The following PDE1C variants were observed in gnomAD, a reference collection of about 807,000 sequenced individuals.
PDE1C encodes dual specificity calcium/calmodulin-dependent 3',5'-cyclic nucleotide phosphodiesterase 1C.
A neutral mutation model predicts 93.1 loss-of-function variants in PDE1C; 62 were observed. The ratio of observed to expected loss-of-function variants is 0.67; its 90% CI spans 0.54 to 0.82. PDE1C has a LOEUF of 0.82. Among genes scored for constraint, PDE1C ranks in the 40% least tolerant of loss-of-function variants. The probability of loss-of-function intolerance (pLI) is 0.00; values close to 1 mark genes in which losing one functional copy is unlikely to be tolerated. For missense variants in PDE1C, 742 were observed against 884.6 expected (o/e 0.84, Z 2.04); for synonymous variants, 325 against 310.1 (o/e 1.05, Z -0.50).
At chr7:32,092,996 A>G (rs929870054) in intron 3 of PDE1C, among the ~76,000 whole-genome samples, 2 of 152,258 alleles carry the variant, frequency 1.3e-5, no homozygotes. Context: ...CTAAGGTGAC[A>G]GGCTATCCTG....
At chr7:32,029,537 G>A (rs1789984873) in intron 2 of PDE1C, among the ~76,000 whole-genome samples, 1 of 152,030 alleles carries the variant, frequency 6.6e-6, no homozygotes, top group Non-Finnish European at 1.5e-5. Flanking sequence ...AGCCATCTAG[G>A]GTCTGCAACA....
At chr7:31,668,832 T>C in the PDE1C span, among the ~76,000 whole-genome samples, 1 of 152,098 alleles carries the variant, frequency 6.6e-6, no homozygotes, top group African/African-American at 2.4e-5. Context: ...TTATAAATTA[T>C]ATCTCAATGA....
At chr7:32,208,344 A>T (rs995656945) in intron 2 of PDE1C, among the ~76,000 whole-genome samples, 2 of 152,188 alleles carry the variant, frequency 1.3e-5, no homozygotes, top group Admixed American at 6.5e-5. Flanking sequence ...TGAGGAATGC[A>T]GTGACTAGGG....
chr7:32,007,397 T>C (rs1458143092), intron 2 of PDE1C, among the ~76,000 whole-genome samples: 6 of 152,236 alleles, frequency 3.9e-5, no homozygotes. Flanking sequence ...TTTAAGATAT[T>C]GTAAATCAGA....
chr7:32,349,732 C>A (rs1256569991), intron 1 of PDE1C, among the ~76,000 whole-genome samples: 1 of 152,034 alleles, frequency 6.6e-6, no homozygotes, highest in Non-Finnish European at 1.5e-5. Flanking sequence ...CGGGTTCAAG[C>A]GATTCTTCTG....
intron 2 of PDE1C, among the ~76,000 whole-genome samples, chr7:31,936,519 C>A (rs117739564): frequency 1.3e-5 from 2 of 151,998 alleles, no homozygotes; most frequent in South Asian, 2.1e-4. Context: ...AGCAAGCATG[C>A]GAGCAGGACG....
At chr7:32,303,055 C>A (rs1335506420), upstream of PDE1C, among the ~76,000 whole-genome samples, 2 of 152,188 alleles carry the variant, frequency 1.3e-5, no homozygotes, top group Non-Finnish European at 2.9e-5. Context: ...ATTGATAGAA[C>A]CCAAACTGGG....
chr7:32,314,758 C>T (rs7779126), intron 1 of PDE1C, among the ~76,000 whole-genome samples: 1 of 151,922 alleles, frequency 6.6e-6, no homozygotes, highest in African/African-American at 2.4e-5. Flanking sequence ...ACGCTGAAAC[C>T]AGAAAGAATA....
At chr7:32,007,375 A>G (rs906813197) in intron 2 of PDE1C, among the ~76,000 whole-genome samples, 7 of 152,206 alleles carry the variant, frequency 4.6e-5, no homozygotes, top group African/African-American at 1.7e-4. Flanking sequence ...GCAAAGCTTC[A>G]GCCCACTGAC....
At chr7:31,736,676 T>C in the PDE1C span, among the ~76,000 whole-genome samples, 3 of 152,248 alleles carry the variant, frequency 2.0e-5, no homozygotes, top group African/African-American at 7.2e-5. Context: ...GTTGTGATCC[T>C]TCATGCAAGG....
At chr7:32,147,307 A>AGAAAGAAAG (rs1563352873) in intron 3 of PDE1C, among the ~76,000 whole-genome samples, 1 of 145,414 alleles carries the variant, frequency 6.9e-6, no homozygotes, top group Non-Finnish European at 1.5e-5. Context: ...AAAGAAAGAA[A>AGAAAGAAAG]GAAAGAAAGA....
chr7:32,170,769 C>A (rs1349392974), intron 2 of PDE1C, among the ~76,000 whole-genome samples: 2 of 152,072 alleles, frequency 1.3e-5, no homozygotes, highest in African/African-American at 2.4e-5. Flanking sequence ...CCCCACTCTC[C>A]CCCAACCCCC....
At chr7:31,730,181 C>A in the PDE1C span, among the ~76,000 whole-genome samples, 2 of 152,152 alleles carry the variant, frequency 1.3e-5, no homozygotes, top group African/African-American at 4.8e-5. Flanking sequence ...TAGCTGCGAA[C>A]GTGTTTACAC....
intron 8 of PDE1C, among the ~76,000 whole-genome samples, chr7:31,849,691 C>T (rs1415286191): frequency 6.6e-6 from 1 of 152,100 alleles, no homozygotes. Context: ...GTTAAACTCT[C>T]ATCCCTCCCT....
At chr7:32,291,999 G>A (rs779005920) in intron 1 of PDE1C, among the ~76,000 whole-genome samples, 3 of 151,984 alleles carry the variant, frequency 2.0e-5, no homozygotes, top group Admixed American at 1.3e-4. Flanking sequence ...TGGTTCCCCC[G>A]CCCTTCTACA....
At chr7:31,916,434 T>C (rs1801922178) in intron 2 of PDE1C, among the ~76,000 whole-genome samples, 1 of 152,190 alleles carries the variant, frequency 6.6e-6, no homozygotes. Flanking sequence ...AACTGTCTTC[T>C]TAAGAACAGA....
At chr7:32,234,781 A>C (rs1336746926) in intron 1 of PDE1C, among the ~76,000 whole-genome samples, 3 of 152,146 alleles carry the variant, frequency 2.0e-5, no homozygotes, top group African/African-American at 7.2e-5. Flanking sequence ...GGTCATCATT[A>C]CTCTGATACC....
At chr7:31,983,736 C>A (rs574812921) in intron 2 of PDE1C, among the ~76,000 whole-genome samples, 2 of 152,154 alleles carry the variant, frequency 1.3e-5, no homozygotes, top group South Asian at 4.1e-4. Context: ...TTCTTTCATG[C>A]AACATGAGCA....
chr7:32,006,982 C>T lies in PDE1C; in HGVS notation c.128+44572G>A, dbSNP rs118174401. 4.7e-4 allele frequency among the ~76,000 whole-genome samples: 71 copies of T among 152,302 alleles called. No individual in the cohort carries two copies. In the East Asian group the frequency reaches 0.012, roughly 26 times the overall value. ...GTGGTAGAGGACTCCCTACCTCCCC[C>T]GTTACATTCACTTTCTGTGATGCTC... is the stretch of plus-strand genomic sequence containing the variant. On this transcript the variant is annotated intron_variant, in intron 2 of 17. Coordinates refer to ENST00000396191, the MANE Select transcript of PDE1C (RefSeq NM_001191057.4).
Sources: gnomAD v4.1 joint callset for allele counts (sites outside exome capture counted in the v4.1 genomes callset) on GRCh38, gnomAD v4.1.1 for gene constraint, MANE v1.5 for transcripts, NCBI Gene and HGNC (gene_info 2026-07-23, HGNC 2026-07-21) for gene names.